FCGRT: variants seen among roughly 807,000 people sequenced by gnomAD.
The protein encoded by FCGRT is IgG receptor FcRn large subunit p51.
A neutral mutation model predicts 35.7 loss-of-function variants in FCGRT; 13 were observed. That is an observed-to-expected ratio of 0.36 (90% CI 0.24 to 0.58). The LOEUF (loss-of-function observed/expected upper bound fraction) is 0.58. Ranked by LOEUF, FCGRT falls within the 20% of genes least tolerant of loss-of-function variation. The pLI, the probability that FCGRT is intolerant of heterozygous loss-of-function variation, is 0.77. For synonymous variants in FCGRT, 233 were observed against 216.5 expected, an observed-to-expected ratio of 1.08 and a Z score of -0.67; for missense variants, 455 against 474.9, an observed-to-expected ratio of 0.96 and a Z score of 0.39.
Position 49,525,538 on chromosome 19 carries a change from C to T in FCGRT, c.953C>T (p.Ala318Val). The change falls in exon 6 of 7, where the codon GCT becomes GTT. Residue 318 changes from alanine to valine, a missense_variant. Physicochemically the swap from Ala to Val is moderately conservative, Grantham distance 64 (BLOSUM62 0). Transcript: ENST00000221466. Reference protein sequence around the residue: ...LLLTAAAVGGALLWRRMRSGL... With the variant: ...LLLTAAAVGGVLLWRRMRSGL... The stretch of plus-strand genomic sequence containing the variant: ...CTCACGGCAGCGGCTGTAGGAGGAG[C>T]TCTGTTGTGGAGAAGGATGAGGAGT... 1 of 1,613,470 alleles carries T rather than the reference C, an allele frequency of 6.2e-7. No homozygotes were observed. The highest frequency in any genetic ancestry group is 8.5e-7 in the Non-Finnish European group (1 of 1,179,892).
intron 4 of FCGRT, among the ~76,000 whole-genome samples, chr19:49,524,273 T>G (rs1241853663): frequency 1.3e-5 from 2 of 152,094 alleles, no homozygotes; most frequent in African/African-American, 4.8e-5. Flanking sequence ...TCCCAAAGTG[T>G]TGCGATTACA....
chr19:49,517,813 C>T (rs1223970110), intron 4 of FCGRT, among the ~76,000 whole-genome samples: 2 of 152,094 alleles, frequency 1.3e-5, no homozygotes, highest in South Asian at 2.1e-4. Flanking sequence ...CTGCCTCAGC[C>T]TCCTGAGTAG....
chr19:49,519,447 CTT>C (rs928504494), intron 4 of FCGRT, among the ~76,000 whole-genome samples: 2 of 152,038 alleles, frequency 1.3e-5, no homozygotes, highest in Non-Finnish European at 2.9e-5. Context: ...TCTTGAGTGT[CTT>C]TTGATTTACA....
chr19:49,525,156 C>T (rs555127659), intron 5 of FCGRT: 15 of 511,566 alleles, frequency 2.9e-5, no homozygotes, highest in Middle Eastern at 3.4e-4. Flanking sequence ...TGCTACTGCC[C>T]GGGCCCATGA....
intron 4 of FCGRT, among the ~76,000 whole-genome samples, chr19:49,516,883 T>G (rs2080010829): frequency 6.6e-6 from 1 of 151,418 alleles, no homozygotes; most frequent in Non-Finnish European, 1.5e-5. Flanking sequence ...AAACCACACT[T>G]AAGTAGAAAC....
chr19:49,524,369 G>A, intron 4 of FCGRT, 138 bp from the exon 5 acceptor site: 1 of 938,330 alleles, frequency 1.1e-6, no homozygotes, highest in Non-Finnish European at 1.6e-6. Context: ...TGTCACCTAG[G>A]AAGTGCCTCC....
intron 4 of FCGRT, among the ~76,000 whole-genome samples, chr19:49,517,599 A>T (rs2080015846): frequency 6.6e-6 from 1 of 151,966 alleles, no homozygotes; most frequent in Non-Finnish European, 1.5e-5. Flanking sequence ...ATAATTATCA[A>T]CCCATGGTTT....
At chr19:49,524,024 T>C (rs964110253) in intron 4 of FCGRT, among the ~76,000 whole-genome samples, 1 of 151,498 alleles carries the variant, frequency 6.6e-6, no homozygotes, top group Non-Finnish European at 1.5e-5. Context: ...TTTTTTTTTT[T>C]TTCTTTTTTT....
At chr19:49,523,666 C>T (rs2080055303) in intron 4 of FCGRT, among the ~76,000 whole-genome samples, 1 of 151,956 alleles carries the variant, frequency 6.6e-6, no homozygotes, top group Admixed American at 6.6e-5. Context: ...TGAGACCATC[C>T]TGGCTAAGAC....
At position 49,524,516 on chromosome 19, in the gene FCGRT, C is replaced by G. The variant is rs1031342092; in HGVS notation, c.611C>G (p.Ser204Cys). The G allele has an allele frequency of 6.8e-6, 11 of 1,606,834 alleles. No individual in the cohort carries two copies. In the Admixed American group the frequency reaches 1.2e-4, roughly 17 times the overall value. ...RGNLEWKEPP[S>C]MRLKARPSSP... ...GCCTGATTTCCTGCAGAGCCCCCCTCCATGCGCCTGAAGGCCCGACCCAGC... is the reference window on the plus strand; with the variant it reads ...GCCTGATTTCCTGCAGAGCCCCCCTGCATGCGCCTGAAGGCCCGACCCAGC... The change falls in exon 5 of 7, where the codon TCC becomes TGC. Residue 204 changes from serine to cysteine, a missense_variant. Physicochemically the swap from Ser to Cys is moderately radical, Grantham distance 112 (BLOSUM62 -1). This residue lies in a region of FCGRT where 312 missense variants were observed against 296.1 expected (regional missense o/e 1.05). Transcript: ENST00000221466.
intron 4 of FCGRT, among the ~76,000 whole-genome samples, chr19:49,522,331 C>A (rs1186618989): frequency 6.6e-6 from 1 of 152,000 alleles, no homozygotes; most frequent in Non-Finnish European, 1.5e-5. Context: ...CCACCTCATT[C>A]TCCCAAAGCG....
At chr19:49,521,752 C>T (rs934386024) in intron 4 of FCGRT, 3 of 151,544 alleles carry the variant, frequency 2.0e-5, no homozygotes, top group African/African-American at 7.3e-5. Flanking sequence ...TCACTGCAGC[C>T]TCAACCTCCC....
At chr19:49,523,744 C>T (rs1430603439) in intron 4 of FCGRT, among the ~76,000 whole-genome samples, 1 of 150,720 alleles carries the variant, frequency 6.6e-6, no homozygotes, top group East Asian at 2.0e-4. Flanking sequence ...CCTATAGTCC[C>T]AGCTACTCAG....
In FCGRT at chr19:49,526,278, C is replaced by A. The variant is rs14770; in HGVS notation, c.*159C>A. On this transcript the variant is annotated 3_prime_UTR_variant, in exon 7 of 7. Transcript: ENST00000221466. ...CCTGTGGTCTGCCTCAGTTTCCCCT[C>A]CTAATACATATGGCTGTTTTCCACC... The A allele has an allele frequency of 3.3e-6, 2 of 608,978 alleles. No individual in the cohort carries two copies. The highest frequency in any genetic ancestry group is 2.9e-6 in the Non-Finnish European group (1 of 340,988). The allele number at this position is 608,978 out of a possible 1,614,324, so 37.7% of individuals were successfully genotyped here. A position where few individuals can be genotyped will look rare whatever the true frequency, so the allele number is the denominator to read the frequency against.
intron 4 of FCGRT, among the ~76,000 whole-genome samples, chr19:49,514,904 C>G (rs2079998671): frequency 6.6e-6 from 1 of 151,846 alleles, no homozygotes; most frequent in Admixed American, 6.6e-5. Flanking sequence ...GTTGGTCAGG[C>G]TGGTCTCAAA....
intron 6 of FCGRT, 143 bp downstream of exon 6, chr19:49,525,716 CAG>C: frequency 1.5e-6 from 1 of 665,478 alleles, no homozygotes; most frequent in Non-Finnish European, 2.6e-6. Context: ...GATGGGAGAA[CAG>C]AGGTGCAGAG....
rs14769 is a variant in FCGRT, at chr19:49,526,325, G to A, written c.*206G>A. 2,444 of 570,680 alleles carry A rather than the reference G, an allele frequency of 4.3e-3. 76 individuals carry two copies. The East Asian group carries it at 0.059, about 14-fold the overall frequency. The allele number at this position is 570,680 out of a possible 1,614,324, so 35.4% of individuals were successfully genotyped here. ...CACCTCGATAATATAACACGAGTTTGGGCCCGAATCAGTGTGTTCTCATCA... is the reference window on the plus strand; with the variant it reads ...CACCTCGATAATATAACACGAGTTTAGGCCCGAATCAGTGTGTTCTCATCA... On this transcript the variant is annotated 3_prime_UTR_variant, in exon 7 of 7. Transcript: ENST00000221466.
intron 4 of FCGRT, among the ~76,000 whole-genome samples, chr19:49,523,859 CAA>C (rs575904413): frequency 7.4e-5 from 8 of 108,712 alleles, no homozygotes; most frequent in East Asian, 2.8e-4. Context: ...GATTCCATCT[CAA>C]AAAAAAAAAA....
intron 2 of FCGRT, 97 bp downstream of exon 2, chr19:49,513,570 C>A: frequency 4.5e-6 from 3 of 671,078 alleles, no homozygotes; most frequent in Non-Finnish European, 6.3e-6. Context: ...GAGTTCCCCG[C>A]GAGCCCCTGG....
Sources: allele counts gnomAD v4.1 joint callset (sites outside exome capture counted in the v4.1 genomes callset), GRCh38; gene constraint gnomAD v4.1.1; regional missense constraint gnomAD v4.1.1; transcripts MANE v1.5; gene names NCBI Gene and HGNC (gene_info 2026-07-23, HGNC 2026-07-21).